Variants in LRP1B observed in about 807,000 individuals in gnomAD.
LRP1B encodes LDL receptor related protein 1B.
In LRP1B, 217 loss-of-function variants were observed where a neutral mutation model predicts 556.6. The observed-to-expected ratio is 0.39, with a 90% CI of 0.35 to 0.44. LRP1B has a LOEUF of 0.44. LRP1B is among the 20% of genes least tolerant of loss of function. The pLI is 1.00. For synonymous variants in LRP1B, 2,047 were observed against 1,865.8 expected (o/e 1.10, Z -2.50); for missense variants, 5,053 against 5,620.8 (o/e 0.90, Z 3.23).
intron 6 of LRP1B, among the ~76,000 whole-genome samples, chr2:141,226,684 G>T (rs1031770632): frequency 6.6e-6 from 1 of 152,048 alleles, no homozygotes; most frequent in Admixed American, 6.6e-5. Flanking sequence ...GTATGACAAA[G>T]ATTTTATGTA....
intron 3 of LRP1B, among the ~76,000 whole-genome samples, chr2:141,476,664 T>A (rs12053452): frequency 0.52 from 78,742 of 151,976 alleles, 20,569 homozygotes; most frequent in Non-Finnish European, 0.55. Context: ...TCATTATCTT[T>A]ACTAGAAAGA....
At chr2:140,628,530 C>A (rs1683758407) in intron 41 of LRP1B, among the ~76,000 whole-genome samples, 1 of 105,482 alleles carries the variant, frequency 9.5e-6, no homozygotes, top group Non-Finnish European at 1.9e-5. Context: ...GAATGAGACT[C>A]TGTCTCGAAA....
At chr2:141,867,664 T>C (rs983515086) in intron 1 of LRP1B, among the ~76,000 whole-genome samples, 8 of 152,170 alleles carry the variant, frequency 5.3e-5, no homozygotes, top group South Asian at 2.1e-4. Flanking sequence ...AGTTATCTTA[T>C]GATATTATTG....
Position 140,458,755 on chromosome 2 carries a change from A to T in LRP1B, c.9626-1104T>A, listed in dbSNP as rs188409991. Among the ~76,000 whole-genome samples the T allele has an allele frequency of 2.0e-3, 309 of 152,220 alleles. 1 individual carries two copies. The highest frequency in any genetic ancestry group is 2.3e-3 in the Non-Finnish European group (158 of 67,950). On this transcript the variant is annotated intron_variant, in intron 60 of 90. Coordinates refer to ENST00000389484, the MANE Select transcript of LRP1B (RefSeq NM_018557.3). ...TCAAATACAATTTACTATTTATAGG[A>T]AGCTTTACAGCCTTATTTTTTAAAT...
At chr2:140,838,280 T>C (rs539149338) in intron 31 of LRP1B, among the ~76,000 whole-genome samples, 1 of 152,344 alleles carries the variant, frequency 6.6e-6, no homozygotes, top group Non-Finnish European at 1.5e-5. Context: ...CTGAATTGCC[T>C]TAGTTCAAAT....
At chr2:141,795,097 TA>T (rs1328616996) in intron 2 of LRP1B, among the ~76,000 whole-genome samples, 2 of 152,104 alleles carry the variant, frequency 1.3e-5, no homozygotes, top group Non-Finnish European at 2.9e-5. Flanking sequence ...AAAGAAAAGC[TA>T]ATTGATCAAC....
chr2:141,518,921 G>T (rs1396606373), intron 2 of LRP1B, among the ~76,000 whole-genome samples: 1 of 152,054 alleles, frequency 6.6e-6, no homozygotes, highest in Non-Finnish European at 1.5e-5. Flanking sequence ...TTGCACTCCA[G>T]CCTGGACAAC....
chr2:140,542,111 A>T (rs1680158411), intron 43 of LRP1B, 140 bp from the exon 44 acceptor site: 1 of 551,078 alleles, frequency 1.8e-6, no homozygotes, highest in South Asian at 3.9e-5. Flanking sequence ...ATAAAATTTT[A>T]CTAAATGAAT....
chr2:141,506,224 A>G (rs1043252463), intron 2 of LRP1B, among the ~76,000 whole-genome samples: 1 of 152,172 alleles, frequency 6.6e-6, no homozygotes, highest in African/African-American at 2.4e-5. Flanking sequence ...TCTTGAATAA[A>G]GAAGTGAATA....
At chr2:142,022,632 A>G (rs551818116) in intron 1 of LRP1B, among the ~76,000 whole-genome samples, 5 of 152,164 alleles carry the variant, frequency 3.3e-5, no homozygotes, top group African/African-American at 1.2e-4. Context: ...CATTACTTTT[A>G]TTTTAATAAA....
chr2:141,640,990 G>A (rs750472964), intron 2 of LRP1B, among the ~76,000 whole-genome samples: 5 of 152,036 alleles, frequency 3.3e-5, no homozygotes, highest in Admixed American at 6.6e-5. Context: ...TATGCCCAAC[G>A]TCTGTTAAAT....
intron 3 of LRP1B, among the ~76,000 whole-genome samples, chr2:141,444,572 A>G (rs1384855804): frequency 6.6e-6 from 1 of 152,078 alleles, no homozygotes; most frequent in Non-Finnish European, 1.5e-5. Flanking sequence ...TTTGTCATAA[A>G]TAGTTCTTAT....
intron 2 of LRP1B, among the ~76,000 whole-genome samples, chr2:141,796,955 G>A (rs1483829542): frequency 6.6e-6 from 1 of 151,152 alleles, no homozygotes; most frequent in East Asian, 1.9e-4. Flanking sequence ...AAGAAAGATT[G>A]GATGAAAAAA....
At chr2:141,285,336 C>A (rs1376402443) in intron 3 of LRP1B, among the ~76,000 whole-genome samples, 1 of 151,918 alleles carries the variant, frequency 6.6e-6, no homozygotes, top group African/African-American at 2.4e-5. Flanking sequence ...TTCCACCCGC[C>A]TCGGCCTCCC....
chr2:141,736,115 C>T (rs1461103174), intron 2 of LRP1B, among the ~76,000 whole-genome samples: 2 of 152,048 alleles, frequency 1.3e-5, no homozygotes, highest in African/African-American at 4.8e-5. Flanking sequence ...AGAATAGAGG[C>T]TAAGTGACTT....
intron 75 of LRP1B, among the ~76,000 whole-genome samples, chr2:140,355,218 C>T (rs892417186): frequency 3.3e-5 from 5 of 151,332 alleles, no homozygotes; most frequent in Non-Finnish European, 5.9e-5. Flanking sequence ...ACAGAAAAAA[C>T]CCACTGACAA....
At chr2:141,350,072 C>T (rs928127460) in intron 3 of LRP1B, among the ~76,000 whole-genome samples, 1 of 151,988 alleles carries the variant, frequency 6.6e-6, no homozygotes, top group African/African-American at 2.4e-5. Flanking sequence ...GTTTTTAAAA[C>T]CATCAGATTT....
intron 1 of LRP1B, among the ~76,000 whole-genome samples, chr2:141,878,451 A>C (rs16847466): frequency 0.049 from 7,480 of 152,076 alleles, 275 homozygotes; most frequent in South Asian, 0.17. Flanking sequence ...AAAAGTGTAT[A>C]GGACAATATT....
intron 4 of LRP1B, 100 bp from the exon 5 acceptor site, chr2:141,247,454 T>C (rs1684109354): frequency 2.5e-5 from 35 of 1,414,886 alleles, no homozygotes; most frequent in Non-Finnish European, 3.4e-5. Flanking sequence ...AAATAGACTA[T>C]TAAGGAAAAG....
Sources: gnomAD v4.1 joint callset for allele counts (sites outside exome capture counted in the v4.1 genomes callset) on GRCh38, gnomAD v4.1.1 for gene constraint, MANE v1.5 for transcripts, NCBI Gene and HGNC (gene_info 2026-07-23, HGNC 2026-07-21) for gene names.